FMNL3: variants seen among roughly 807,000 people sequenced by gnomAD.
The protein encoded by FMNL3 is formin like 3, also known as formin-like protein 3.
A neutral mutation model predicts 119.6 loss-of-function variants in FMNL3; 57 were observed. The observed-to-expected ratio is 0.48, with a 90% CI of 0.39 to 0.59. FMNL3 has a LOEUF of 0.59. FMNL3 is among the 20% of genes least tolerant of loss of function. The pLI, the probability that FMNL3 is intolerant of heterozygous loss-of-function variation, is 0.00. For synonymous variants in FMNL3, 491 were observed against 507.3 expected, an observed-to-expected ratio of 0.97 and a Z score of 0.43; for missense variants, 1,053 against 1,323.5, an observed-to-expected ratio of 0.80 and a Z score of 3.17.
rs1208852398 is a variant in FMNL3 at position 49,645,908 on chromosome 12, G to T, written c.2996-5C>A. ...CCATAGGCTGGCAGTGGAGGCCTGTGGGGGAAGAGAGAGACCTGTGAACAG... is the reference window on the plus strand; with the variant it reads ...CCATAGGCTGGCAGTGGAGGCCTGTTGGGGAAGAGAGAGACCTGTGAACAG... On this transcript the variant is annotated splice_polypyrimidine_tract_variant and splice_region_variant and intron_variant, in intron 25 of 25. Transcript: ENST00000335154. The T allele has an allele frequency of 1.9e-6, 3 of 1,611,506 alleles. No homozygotes were observed. Among genetic ancestry groups the T allele is most frequent in the Non-Finnish European group, 2.5e-6 (3 of 1,178,738 alleles).
intron 12 of FMNL3, 72 bp from the exon 13 acceptor site, chr12:49,653,399 C>A (rs4641552): frequency 0.07 from 105,500 of 1,506,540 alleles, 4,028 homozygotes; most frequent in African/African-American, 0.15. Flanking sequence ...GAACCCTAGT[C>A]AAGACCTGAG....
At position 49,644,524 on chromosome 12, in the gene FMNL3, G is replaced by A; in HGVS notation, c.*1291C>T. 2.8e-6 allele frequency: 1 copy of A among 352,276 alleles called. No homozygotes were observed. Among genetic ancestry groups the A allele is most frequent in the Non-Finnish European group, 5.5e-6 (1 of 182,588 alleles). 21.8% of individuals were successfully genotyped at this position (352,276 alleles called of 1,614,324 possible). A position where few individuals can be genotyped will look rare whatever the true frequency, so the allele number is the denominator to read the frequency against. On this transcript the variant is annotated 3_prime_UTR_variant, in exon 26 of 26. Transcript: ENST00000335154. ...GCTGTTGGACGCAGCCTGGGTGGCA[G>A]AGGGCAGGGTCATCACCCTCTAGCA...
In FMNL3 at chr12:49,652,031, T is replaced by C; in HGVS notation, c.1505A>G (p.Asp502Gly). 7 of 1,609,102 alleles carry C rather than the reference T, an allele frequency of 4.4e-6. No individual in the cohort carries two copies. The highest frequency in any genetic ancestry group is 5.9e-6 in the Non-Finnish European group (7 of 1,177,770). Residue 502 changes from aspartate to glycine, a missense_variant, in exon 14 of 26, where the codon GAC becomes GGC. Asp to Gly is a moderately conservative substitution (Grantham distance 94, BLOSUM62 -1). Transcript: ENST00000335154. ...AELSEGMPPS[D>G]LDLLAPAPPP... Reference sequence around the variant, plus strand: ...TGGGGCTGGAGCCAGAAGGTCCAGGTCGGAGGGTGGCATGCCCTCACTCAG... The same window carrying C: ...TGGGGCTGGAGCCAGAAGGTCCAGGCCGGAGGGTGGCATGCCCTCACTCAG...
chr12:49,650,442 T>TA (rs1943361081), intron 17 of FMNL3, among the ~76,000 whole-genome samples: 1 of 152,198 alleles, frequency 6.6e-6, no homozygotes, highest in African/African-American at 2.4e-5. Context: ...ACCATCCTGG[T>TA]GGTATCACTC....
At chr12:49,698,618 T>C (rs1944819072) in intron 1 of FMNL3, among the ~76,000 whole-genome samples, 1 of 150,636 alleles carries the variant, frequency 6.6e-6, no homozygotes, top group Admixed American at 6.6e-5. Flanking sequence ...ACAGAAAGCG[T>C]AAGAGAACCT....
At position 49,658,381 on chromosome 12, in the gene FMNL3, C is replaced by T. The variant is rs145709141; in HGVS notation, c.605+61G>A. Reference sequence around the variant, plus strand: ...AGGAGCATGAGCACTCACTGCTGAACCCGAGACCTGCACTGAAGGGTAGGG... The same window carrying T: ...AGGAGCATGAGCACTCACTGCTGAATCCGAGACCTGCACTGAAGGGTAGGG... On this transcript the variant is annotated intron_variant, in intron 6 of 25. Transcript: ENST00000335154. 5.8e-4 allele frequency: 885 copies of T among 1,522,686 alleles called. 7 individuals carry two copies. Among genetic ancestry groups the T allele is most frequent in the Non-Finnish European group, 4.8e-5 (55 of 1,134,600 alleles). The allele number at this position is 1,522,686 out of a possible 1,614,324, so 94.3% of individuals were successfully genotyped here.
In FMNL3 at chr12:49,642,171, G is replaced by A. The variant is rs1942760511; in HGVS notation, c.*3644C>T. On this transcript the variant is annotated 3_prime_UTR_variant, in exon 26 of 26. Coordinates refer to ENST00000335154, the MANE Select transcript of FMNL3 (RefSeq NM_175736.5). This position sits in a 1 kb window ranked among gnomAD's most constrained non-coding sequence, Gnocchi z 5.8. ...CCTAACTTTCCACCTCCTAAGGTAT[G>A]CCTGAGTGGGACCTGGCATCCACCC... 8 of 1,613,018 alleles carry A rather than the reference G, an allele frequency of 5.0e-6. No individual in the cohort carries two copies. The South Asian group carries it at 8.8e-5, about 18-fold the overall frequency.
In FMNL3 at chr12:49,637,943, A is replaced by G. The variant is rs1592603532; in HGVS notation, c.*7872T>C. 3 of 764,200 alleles carry G rather than the reference A, an allele frequency of 3.9e-6. No individual in the cohort carries two copies. Among genetic ancestry groups the G allele is most frequent in the African/African-American group, 3.4e-5 (2 of 58,262 alleles). 47.3% of individuals were successfully genotyped at this position (764,200 alleles called of 1,614,324 possible). ...TTACAGCTTGGTTCAGCAGATATCT[A>G]CTGTGATCCTTTACTGCACACTAGG... On this transcript the variant is annotated 3_prime_UTR_variant, in exon 26 of 26. Coordinates refer to ENST00000335154, the MANE Select transcript of FMNL3 (RefSeq NM_175736.5).
Position 49,644,151 on chromosome 12 carries a change from C to T in FMNL3, c.*1664G>A, listed in dbSNP as rs751543473. 9.3e-6 allele frequency: 15 copies of T among 1,613,982 alleles called. No homozygotes were observed. Among genetic ancestry groups the T allele is most frequent in the East Asian group, 2.2e-5 (1 of 44,902 alleles). The stretch of plus-strand genomic sequence containing the variant: ...GCTGAGTGAGGGTGAGCTGGAGAGG[C>T]GGCGGCGGACACTCCTACAGCAGCT... On this transcript the variant is annotated 3_prime_UTR_variant, in exon 26 of 26. Transcript: ENST00000335154.
chr12:49,641,505 T>A lies in FMNL3; in HGVS notation c.*4310A>T, dbSNP rs1319550338. The stretch of plus-strand genomic sequence containing the variant: ...GTGAAACACTCATCATGGTACCTGG[T>A]ACATAGTAAGCACTCAATAAATAGA... On this transcript the variant is annotated 3_prime_UTR_variant, in exon 26 of 26. Coordinates refer to ENST00000335154, the MANE Select transcript of FMNL3 (RefSeq NM_175736.5). 5.0e-6 allele frequency: 1 copy of A among 198,686 alleles called. No individual in the cohort carries two copies. The allele number at this position is 198,686 out of a possible 1,614,324, so 12.3% of individuals were successfully genotyped here. A position where few individuals can be genotyped will look rare whatever the true frequency, so the allele number is the denominator to read the frequency against.
Position 49,638,608 on chromosome 12 carries a change from GA to G in FMNL3, c.*7206del, listed in dbSNP as rs1288662248. The G allele has an allele frequency of 6.6e-6, 1 of 151,966 alleles. No individual in the cohort carries two copies. Among genetic ancestry groups the G allele is most frequent in the African/African-American group, 2.4e-5 (1 of 41,386 alleles). 9.4% of individuals were successfully genotyped at this position (151,966 alleles called of 1,614,324 possible). A position where few individuals can be genotyped will look rare whatever the true frequency, so the allele number is the denominator to read the frequency against. On this transcript the variant is annotated 3_prime_UTR_variant, in exon 26 of 26. Coordinates refer to ENST00000335154, the MANE Select transcript of FMNL3 (RefSeq NM_175736.5). ...ATGGACTAAACCTTGTGTTCCAAAA[GA>G]AAAAAACAAAGAGCATATTTCTTTA...
At chr12:49,700,150 T>C (rs1944862295) in intron 1 of FMNL3, among the ~76,000 whole-genome samples, 1 of 152,140 alleles carries the variant, frequency 6.6e-6, no homozygotes, top group Non-Finnish European at 1.5e-5. Context: ...CCCAGCACTT[T>C]GGGAGGCCGA....
At chr12:49,669,541 G>A (rs1943985014) in intron 1 of FMNL3, among the ~76,000 whole-genome samples, 1 of 152,086 alleles carries the variant, frequency 6.6e-6, no homozygotes, top group Non-Finnish European at 1.5e-5. Context: ...TACCTCTAAA[G>A]GCAGTCTGGG....
intron 1 of FMNL3, among the ~76,000 whole-genome samples, chr12:49,706,783 A>G (rs1223439732): frequency 1.3e-5 from 2 of 152,202 alleles, no homozygotes; most frequent in African/African-American, 4.8e-5. Context: ...GGGAGGAAGA[A>G]GGAGGGAGAA....
Position 49,658,595 on chromosome 12 carries a change from C to T in FMNL3, c.453-1G>A. The T allele has an allele frequency of 6.2e-7, 1 of 1,604,396 alleles. No homozygotes were observed. The highest frequency in any genetic ancestry group is 1.7e-5 in the Admixed American group (1 of 58,756). ...ACTTTCCAGACCCTCAAAGTCAAAC[C>T]TGGAGCATGAAAGGACACACATGCG... On this transcript the variant is annotated splice_acceptor_variant, in intron 5 of 25. Coordinates refer to ENST00000335154, the MANE Select transcript of FMNL3 (RefSeq NM_175736.5). LOFTEE classifies it high-confidence loss of function.
At chr12:49,658,356 A>G (rs1943634889) in intron 6 of FMNL3, 86 bp downstream of exon 6, 5 of 1,476,520 alleles carry the variant, frequency 3.4e-6, no homozygotes, top group Admixed American at 4.9e-5. Context: ...GAGTGGAGGG[A>G]GGAGCATGAG....
In FMNL3 at chr12:49,642,731, T is replaced by C. The variant is rs1942843589; in HGVS notation, c.*3084A>G. Reference sequence around the variant, plus strand: ...CAGGCCCTTGAACTCATTAGACCAGTTCAACAGAGACCTCAGTGGCCTCCC... The same window carrying C: ...CAGGCCCTTGAACTCATTAGACCAGCTCAACAGAGACCTCAGTGGCCTCCC... On this transcript the variant is annotated 3_prime_UTR_variant, in exon 26 of 26. Transcript: ENST00000335154. This position sits in a 1 kb window ranked among gnomAD's most constrained non-coding sequence, Gnocchi z 5.8. 1 of 1,564,524 alleles carries C rather than the reference T, an allele frequency of 6.4e-7. No homozygotes were observed. Among genetic ancestry groups the C allele is most frequent in the East Asian group, 2.3e-5 (1 of 42,854 alleles).
At chr12:49,690,449 T>C (rs1230344300) in intron 1 of FMNL3, among the ~76,000 whole-genome samples, 2 of 152,222 alleles carry the variant, frequency 1.3e-5, no homozygotes, top group Non-Finnish European at 2.9e-5. Flanking sequence ...TAATTAAATA[T>C]TTATTTAATA....
Position 49,668,520 on chromosome 12 carries a change from A to C in FMNL3, c.161T>G (p.Leu54Arg). The C allele has an allele frequency of 6.2e-7, 1 of 1,614,132 alleles. No homozygotes were observed. The highest frequency in any genetic ancestry group is 8.5e-7 in the Non-Finnish European group (1 of 1,180,014). Residue 54 changes from leucine to arginine, a missense_variant, in exon 2 of 26, where the codon CTC becomes CGC. Physicochemically the swap from Leu to Arg is moderately radical, Grantham distance 102 (BLOSUM62 -2). This residue lies in a region of FMNL3 where 264 missense variants were observed against 265.5 expected (regional missense o/e 0.99). Coordinates refer to ENST00000335154, the MANE Select transcript of FMNL3 (RefSeq NM_175736.5). Reference protein sequence around the residue: ...SMNLPPDKARLLRQYDNEKKW... With the variant: ...SMNLPPDKARRLRQYDNEKKW... ...CTTCTCATTGTCATACTGCCGCAGG[A>C]GCCGGGCCTTGTCTGGAGGCAGGTT... is the stretch of plus-strand genomic sequence containing the variant.
Sources: allele counts gnomAD v4.1 joint callset (sites outside exome capture counted in the v4.1 genomes callset), GRCh38; gene constraint gnomAD v4.1.1; regional missense constraint gnomAD v4.1.1; non-coding constraint Gnocchi (gnomAD v3.1); transcripts MANE v1.5; gene names NCBI Gene and HGNC (gene_info 2026-07-23, HGNC 2026-07-21).